USP54: variants seen among roughly 807,000 people sequenced by gnomAD.
USP54 encodes ubiquitin specific peptidase 54.
A neutral mutation model predicts 170.5 loss-of-function variants in USP54; 87 were observed. The observed-to-expected ratio is 0.51, with a 90% confidence interval of 0.43 to 0.61. USP54 has a LOEUF of 0.61. Ranked by LOEUF, USP54 falls within the 20% of genes least tolerant of loss-of-function variation. The probability of loss-of-function intolerance (pLI) is 0.00; values close to 1 mark genes in which losing one functional copy is unlikely to be tolerated. For synonymous variants in USP54, 655 were observed against 742.8 expected, an observed-to-expected ratio of 0.88 and a Z score of 1.92; for missense variants, 1,786 against 2,047.8, an observed-to-expected ratio of 0.87 and a Z score of 2.47.
At chr10:73,559,135 T>G (rs1446789887) in intron 4 of USP54, among the ~76,000 whole-genome samples, 2 of 152,132 alleles carry the variant, frequency 1.3e-5, no homozygotes, top group Non-Finnish European at 2.9e-5. Context: ...AACAAGAATT[T>G]TACAACCAGG....
In USP54 at chr10:73,533,552, T is replaced by TA. The variant is rs1170672312; in HGVS notation, c.1315+1047dup. ...GAATATCTTTGAAATTCTTGATATT[T>TA]AAAAAAAAAAAAAGCCCCCACAGCT... On this transcript the variant is annotated intron_variant, in intron 12 of 23. Coordinates refer to ENST00000687698, the MANE Select transcript of USP54 (RefSeq NM_001391956.1). 8.9e-4 allele frequency among the ~76,000 whole-genome samples: 122 copies of TA among 137,460 alleles called. No individual in the cohort carries two copies. In the Middle Eastern group the frequency reaches 0.011, roughly 12 times the overall value. The allele number at this position is 137,460 out of a possible 152,430, so 90.2% of individuals were successfully genotyped here. A position where few individuals can be genotyped will look rare whatever the true frequency, so the allele number is the denominator to read the frequency against.
chr10:73,522,243 C>A (rs1179454836), intron 17 of USP54, among the ~76,000 whole-genome samples: 3 of 152,194 alleles, frequency 2.0e-5, no homozygotes, highest in Non-Finnish European at 4.4e-5. Context: ...ACTCCCCAGA[C>A]CTGAAGTTCT....
At position 73,575,669 on chromosome 10, in the gene USP54, A is replaced by ATTTAGCCTG; in HGVS notation, c.-17-3_-12dup. On this transcript the variant is annotated 5_prime_UTR_variant, in exon 3 of 24. In the 5' UTR this introduces an upstream ATG that the reference lacks. Coordinates refer to ENST00000687698, the MANE Select transcript of USP54 (RefSeq NM_001391956.1). ...TCTCTTCCAAGACATTATTGTTCAC[A>ATTTAGCCTG]TTTAGCCTGAAAAAAAAATGGAGAA... 7 of 1,564,706 alleles carry ATTTAGCCTG rather than the reference A, an allele frequency of 4.5e-6. No individual in the cohort carries two copies. The highest frequency in any genetic ancestry group is 6.1e-6 in the Non-Finnish European group (7 of 1,153,326).
chr10:73,536,193 A>G lies in USP54; in HGVS notation c.1144+76T>C, dbSNP rs906461226. The G allele has an allele frequency of 4.5e-6, 7 of 1,559,740 alleles. No individual in the cohort carries two copies. In the African/African-American group the frequency reaches 5.4e-5, roughly 12 times the overall value. On this transcript the variant is annotated intron_variant, in intron 11 of 23. Transcript: ENST00000687698. ...CCAAGCTAGGTTACGAGCTAAGCAC[A>G]TAATTAACTATGAGTCCCAACTGTT...
At chr10:73,552,650 G>A (rs1047698792) in intron 4 of USP54, among the ~76,000 whole-genome samples, 1 of 151,974 alleles carries the variant, frequency 6.6e-6, no homozygotes, top group Non-Finnish European at 1.5e-5. Flanking sequence ...AATTAGCCAG[G>A]TGTGGTGGCA....
At chr10:73,552,483 A>ACT (rs2069699157) in intron 4 of USP54, among the ~76,000 whole-genome samples, 1 of 151,872 alleles carries the variant, frequency 6.6e-6, no homozygotes, top group African/African-American at 2.4e-5. Flanking sequence ...ACACACACAC[A>ACT]CACATATATA....
At position 73,526,738 on chromosome 10, in the gene USP54, C is replaced by T. The variant is rs1009117890; in HGVS notation, c.2103G>A (p.Trp701Ter). 6.2e-7 allele frequency: 1 copy of T among 1,613,872 alleles called. No individual in the cohort carries two copies. Among genetic ancestry groups the T allele is most frequent in the African/African-American group, 1.3e-5 (1 of 74,846 alleles). ...TGCTGTGCGACTTTGGGATATGACG[C>T]CAGGAAGGAACCAACCCAGCTGATC... ...AKRSAGLVPS[W>*]RHIPKSHSSS... The change falls in exon 16 of 24, where the codon TGG becomes TGA. Residue 701 changes from tryptophan (W) to a stop codon, truncating the protein, a stop_gained. Coordinates refer to ENST00000687698, the MANE Select transcript of USP54 (RefSeq NM_001391956.1). LOFTEE classifies it high-confidence loss of function.
At chr10:73,517,857 A>G (rs1466288364) in intron 19 of USP54, 110 bp from the exon 20 acceptor site, 1 of 1,342,282 alleles carries the variant, frequency 7.4e-7, no homozygotes, top group Non-Finnish European at 1.0e-6. Flanking sequence ...AGGGAATGGT[A>G]AAAATAAACA....
At chr10:73,617,558 A>T (rs1411964633) in intron 1 of USP54, among the ~76,000 whole-genome samples, 1 of 150,366 alleles carries the variant, frequency 6.7e-6, no homozygotes, top group Non-Finnish European at 1.5e-5. Flanking sequence ...GGCCAGGTGC[A>T]GTGGCTCATA....
intron 20 of USP54, chr10:73,505,685 A>G: frequency 7.3e-6 from 2 of 272,198 alleles, no homozygotes; most frequent in Non-Finnish European, 1.4e-5. Flanking sequence ...CCTGGCTAAC[A>G]TGGTAAAACC....
chr10:73,539,480 G>A lies in USP54; in HGVS notation c.939C>T (p.Arg313=), dbSNP rs1406593977. ...YSTFFFQTKI[R]KWMYFDDAHV... is the part of the protein sequence containing the mutation. ...GAGCATCATCAAAATACATCCATTTGCGAATCTTTGTTTGAAAAAAGAATG... is the reference window on the plus strand; with the variant it reads ...GAGCATCATCAAAATACATCCATTTACGAATCTTTGTTTGAAAAAAGAATG... Residue 313 remains arginine (R), a synonymous_variant, in exon 10 of 24, where the codon CGC becomes CGT. Coordinates refer to ENST00000687698, the MANE Select transcript of USP54 (RefSeq NM_001391956.1). 1 of 1,609,586 alleles carries A rather than the reference G, an allele frequency of 6.2e-7. No individual in the cohort carries two copies. The highest frequency in any genetic ancestry group is 8.5e-7 in the Non-Finnish European group (1 of 1,177,228).
Position 73,533,021 on chromosome 10 carries a change from G to A in USP54, c.1315+1579C>T, listed in dbSNP as rs148364042. Among the ~76,000 whole-genome samples the A allele has an allele frequency of 1.8e-4, 28 of 152,160 alleles. No individual in the cohort carries two copies. In the East Asian group the frequency reaches 5.0e-3, roughly 27 times the overall value. ...CATTATTATTTTTAAGTGTTACAAT[G>A]CTGGGCTGGGCACGGTGGCTCACGC... On this transcript the variant is annotated intron_variant, in intron 12 of 23. Coordinates refer to ENST00000687698, the MANE Select transcript of USP54 (RefSeq NM_001391956.1).
chr10:73,530,841 A>G lies in USP54; in HGVS notation c.1316-6T>C. Reference sequence around the variant, plus strand: ...TTCACTATCAGTCAGGTGTCCTGAAAAAACAAGGAAATTGGGGTAAGCTGG... The same window carrying G: ...TTCACTATCAGTCAGGTGTCCTGAAGAAACAAGGAAATTGGGGTAAGCTGG... On this transcript the variant is annotated splice_region_variant and splice_polypyrimidine_tract_variant and intron_variant, in intron 12 of 23. Coordinates refer to ENST00000687698, the MANE Select transcript of USP54 (RefSeq NM_001391956.1). 1.2e-6 allele frequency: 2 copies of G among 1,613,786 alleles called. No homozygotes were observed. The highest frequency in any genetic ancestry group is 1.7e-6 in the Non-Finnish European group (2 of 1,179,798).
At chr10:73,539,645 C>T in intron 9 of USP54, 52 bp from the exon 10 acceptor site, 1 of 1,530,108 alleles carries the variant, frequency 6.5e-7, no homozygotes, top group Non-Finnish European at 8.9e-7. Flanking sequence ...AACCATTCCA[C>T]ATCATCTCTC....
Position 73,571,489 on chromosome 10 carries a change from G to A in USP54, c.172C>T (p.Arg58Ter), listed in dbSNP as rs766013576. Residue 58 changes from arginine to a stop codon, truncating the protein, a stop_gained, in exon 4 of 24, where the codon CGA becomes TGA. Coordinates refer to ENST00000687698, the MANE Select transcript of USP54 (RefSeq NM_001391956.1). LOFTEE classifies it high-confidence loss of function. ...GTTGTAAGCTGCCTAAAGCTACGTC[G>A]GAAGATATCCAAGTGCCACAAAACC... is the stretch of plus-strand genomic sequence containing the variant. Reference protein sequence around the residue: ...LQVLWHLDIFRRSFRQLTTHK... With the variant: ...LQVLWHLDIF The A allele has an allele frequency of 3.1e-6, 5 of 1,613,480 alleles. No homozygotes were observed. Among genetic ancestry groups the A allele is most frequent in the Admixed American group, 3.3e-5 (2 of 59,930 alleles).
intron 4 of USP54, among the ~76,000 whole-genome samples, chr10:73,554,296 G>T (rs1167473767): frequency 6.6e-6 from 1 of 152,182 alleles, no homozygotes; most frequent in African/African-American, 2.4e-5. Flanking sequence ...TTTACACCCT[G>T]CCATTAACTC....
At chr10:73,601,677 C>G (rs767644130) in intron 1 of USP54, among the ~76,000 whole-genome samples, 2 of 152,108 alleles carry the variant, frequency 1.3e-5, no homozygotes, top group South Asian at 2.1e-4. Context: ...CAAGAAGCTG[C>G]CCCTCCTCCA....
chr10:73,537,861 A>G (rs939463406), intron 10 of USP54: 1 of 152,122 alleles, frequency 6.6e-6, no homozygotes, highest in African/African-American at 2.4e-5. Flanking sequence ...CAGCTCACTC[A>G]CTGCATGAAC....
At chr10:73,501,112 C>G (rs2058022536) in intron 22 of USP54, among the ~76,000 whole-genome samples, 2 of 152,070 alleles carry the variant, frequency 1.3e-5, no homozygotes, top group South Asian at 4.1e-4. Flanking sequence ...TAGCAAACTC[C>G]TTAATGCTAA....
Sources: allele counts gnomAD v4.1 joint callset (sites outside exome capture counted in the v4.1 genomes callset), GRCh38; gene constraint gnomAD v4.1.1; transcripts MANE v1.5; gene names NCBI Gene and HGNC (gene_info 2026-07-23, HGNC 2026-07-21).